YIF1B: variants seen among roughly 807,000 people sequenced by gnomAD.
YIF1B encodes Yip1 interacting factor homolog B, membrane trafficking protein.
In YIF1B, 24 loss-of-function variants were observed where a neutral mutation model predicts 34.6. The observed-to-expected ratio is 0.69, with a 90% CI of 0.50 to 0.98. The LOEUF is 0.98. Ranked by LOEUF, YIF1B falls within the 50% of genes least tolerant of loss-of-function variation. The pLI is 0.00. For missense variants in YIF1B, 368 were observed against 429.4 expected, an observed-to-expected ratio of 0.86 and a Z score of 1.26; for synonymous variants, 186 against 184.8, an observed-to-expected ratio of 1.01 and a Z score of -0.05.
In YIF1B at chr19:38,305,286, G is replaced by C; in HGVS notation, c.*66C>G. On this transcript the variant is annotated 3_prime_UTR_variant, in exon 8 of 8. Coordinates refer to ENST00000339413, the MANE Select transcript of YIF1B (RefSeq NM_001039672.3). ...TGGACCTTGGGGCCTGCAGGCAGGA[G>C]ATGAGTTCGGCGGCCACAGTGGCCC... 6.4e-7 allele frequency: 1 copy of C among 1,556,748 alleles called. No homozygotes were observed.
chr19:38,317,476 C>A (rs1969586276), upstream of YIF1B, among the ~76,000 whole-genome samples: 1 of 152,200 alleles, frequency 6.6e-6, no homozygotes, highest in Admixed American at 6.5e-5. Context: ...GATTTAGCCT[C>A]TGTCCCCTGG....
chr19:38,319,120 C>G (rs1969615393), upstream of YIF1B, among the ~76,000 whole-genome samples: 1 of 151,826 alleles, frequency 6.6e-6, no homozygotes, highest in Admixed American at 6.6e-5. Context: ...TCTGGGCTGT[C>G]TTTTTTCTTT....
chr19:38,320,958 G>A (rs760381242), upstream of YIF1B, among the ~76,000 whole-genome samples: 5 of 152,016 alleles, frequency 3.3e-5, no homozygotes, highest in South Asian at 6.2e-4. Flanking sequence ...CCCAGGACAC[G>A]CCACCCTCCA....
chr19:38,309,144 C>G, intron 3 of YIF1B, 80 bp downstream of exon 3: 2 of 1,575,298 alleles, frequency 1.3e-6, no homozygotes, highest in Non-Finnish European at 1.7e-6. Context: ...GCGAATCTCC[C>G]GGCTCCACCA....
chr19:38,314,755 A>G (rs550986419), intron 1 of YIF1B, among the ~76,000 whole-genome samples: 8 of 150,922 alleles, frequency 5.3e-5, no homozygotes, highest in African/African-American at 2.0e-4. Context: ...CCGGGATTAC[A>G]GGTGCTCGCC....
In YIF1B at chr19:38,305,079, C is replaced by A; in HGVS notation, c.*273G>T. Reference sequence around the variant, plus strand: ...GCCCCCTGCCCAGCGCTGGGCCCGCCCATTCGTGCGCGAGGCCAAGGAGAG... The same window carrying A: ...GCCCCCTGCCCAGCGCTGGGCCCGCACATTCGTGCGCGAGGCCAAGGAGAG... On this transcript the variant is annotated 3_prime_UTR_variant, in exon 8 of 8. Coordinates refer to ENST00000339413, the MANE Select transcript of YIF1B (RefSeq NM_001039672.3). 6.6e-7 allele frequency: 1 copy of A among 1,504,952 alleles called. No individual in the cohort carries two copies. Among genetic ancestry groups the A allele is most frequent in the Non-Finnish European group, 8.9e-7 (1 of 1,122,666 alleles). The allele number at this position is 1,504,952 out of a possible 1,614,324, so 93.2% of individuals were successfully genotyped here.
rs1192750317 is a variant in YIF1B at position 38,305,042 on chromosome 19, C to CCCCAGCT, written c.*303_*309dup. On this transcript the variant is annotated 3_prime_UTR_variant, in exon 8 of 8. Transcript: ENST00000339413. The stretch of plus-strand genomic sequence containing the variant: ...CAGCGTGGTGCCTACTCTGGCCCGT[C>CCCCAGCT]CCCAGCTCCCTGCCCCCTGCCCAGC... 2.6e-6 allele frequency: 4 copies of CCCCAGCT among 1,541,472 alleles called. No individual in the cohort carries two copies. Among genetic ancestry groups the CCCCAGCT allele is most frequent in the Middle Eastern group, 1.7e-4 (1 of 5,948 alleles).
rs942728571 is a variant in YIF1B, at chr19:38,304,686, G to A, written c.*666C>T. ...CCAGCGATTCGGACACGGATGTGAA[G>A]GTAAGGGGCTCTCGCCAGCGTCCCC... On this transcript the variant is annotated 3_prime_UTR_variant, in exon 8 of 8. Coordinates refer to ENST00000339413, the MANE Select transcript of YIF1B (RefSeq NM_001039672.3). 2.5e-6 allele frequency: 4 copies of A among 1,613,582 alleles called. No homozygotes were observed. The Admixed American group carries it at 5.0e-5, about 20-fold the overall frequency.
upstream of YIF1B, among the ~76,000 whole-genome samples, chr19:38,319,479 T>C (rs552702466): frequency 6.6e-6 from 1 of 152,316 alleles, no homozygotes; most frequent in East Asian, 1.9e-4. Flanking sequence ...ACTTGGCGAA[T>C]GGAGCGAGAA....
At chr19:38,307,240 C>T in intron 7 of YIF1B, 188 bp downstream of exon 7, 1 of 627,708 alleles carries the variant, frequency 1.6e-6, no homozygotes, top group Non-Finnish European at 2.8e-6. Context: ...GTCTCCTCTT[C>T]CAGGGCTCAG....
In YIF1B at chr19:38,303,610, A is replaced by C. The variant is rs1968857708; in HGVS notation, c.*1742T>G. On this transcript the variant is annotated 3_prime_UTR_variant, in exon 8 of 8. Transcript: ENST00000339413. Reference sequence around the variant, plus strand: ...TTTTTTAAAAAACCAACACATTATCAGTACTTCATGCCAGACACCATTCTA... The same window carrying C: ...TTTTTTAAAAAACCAACACATTATCCGTACTTCATGCCAGACACCATTCTA... Among the ~76,000 whole-genome samples, 1 of 152,230 alleles carries C rather than the reference A, an allele frequency of 6.6e-6. No homozygotes were observed. Among genetic ancestry groups the C allele is most frequent in the Non-Finnish European group, 1.5e-5 (1 of 68,044 alleles).
rs1209473621 is a variant in YIF1B, at chr19:38,304,740, G to A, written c.*612C>T. On this transcript the variant is annotated 3_prime_UTR_variant, in exon 8 of 8. Coordinates refer to ENST00000339413, the MANE Select transcript of YIF1B (RefSeq NM_001039672.3). ...CACGTGCCCTGCACCCCAGAGAGGC[G>A]TCCCCGCACTGGGGCTGGCGGGGAG... The A allele has an allele frequency of 8.1e-6, 13 of 1,612,078 alleles. No individual in the cohort carries two copies. The African/African-American group carries it at 1.1e-4, about 13-fold the overall frequency.
intron 3 of YIF1B, 36 bp downstream of exon 3, chr19:38,309,188 C>T (rs377438352): frequency 5.0e-6 from 8 of 1,609,670 alleles, no homozygotes; most frequent in African/African-American, 2.7e-5. Context: ...CCCCCACAGG[C>T]CCACTGCAGA....
chr19:38,307,142 C>A, intron 7 of YIF1B: 1 of 521,328 alleles, frequency 1.9e-6, no homozygotes, highest in Non-Finnish European at 3.7e-6. Flanking sequence ...GGCAGGAAGG[C>A]TCCCATGTAA....
chr19:38,315,106 G>A lies in YIF1B; in HGVS notation c.58+754C>T, dbSNP rs375808475. 3.5e-4 allele frequency among the ~76,000 whole-genome samples: 53 copies of A among 152,070 alleles called. No homozygotes were observed. In the South Asian group the frequency reaches 0.01, roughly 30 times the overall value. ...AAACCCCGTCTATACCACCCCGGGC[G>A]TGGTGGCCTGCGCCTGTAATCCCAG... On this transcript the variant is annotated intron_variant, in intron 1 of 7. Coordinates refer to ENST00000339413, the MANE Select transcript of YIF1B (RefSeq NM_001039672.3).
Position 38,307,516 on chromosome 19 carries a change from A to G in YIF1B, c.701T>C (p.Ile234Thr), listed in dbSNP as rs1969105976. Reference sequence around the variant, plus strand: ...GAGCAGGCCCATGAGGACCCCGCCAATCATCCTGGGGGAGGGAGAGGAGGC... The same window carrying G: ...GAGCAGGCCCATGAGGACCCCGCCAGTCATCCTGGGGGAGGGAGAGGAGGC... Reference protein sequence around the residue: ...AFLGYKYVGMIGGVLMGLLFG... With the variant: ...AFLGYKYVGMTGGVLMGLLFG... Residue 234 changes from isoleucine to threonine, a missense_variant, in exon 7 of 8, where the codon ATT becomes ACT. Physicochemically the swap from Ile to Thr is moderately conservative, Grantham distance 89. Around this residue, in one of 3 missense-constraint regions of YIF1B, gnomAD observed 208 missense variants for 247.8 expected, o/e 0.84. Transcript: ENST00000339413. 1.9e-6 allele frequency: 3 copies of G among 1,613,850 alleles called. No homozygotes were observed. The highest frequency in any genetic ancestry group is 1.3e-5 in the African/African-American group (1 of 74,980).
upstream of YIF1B, among the ~76,000 whole-genome samples, chr19:38,321,329 C>T (rs180747454): frequency 1.4e-4 from 21 of 152,336 alleles, no homozygotes; most frequent in African/African-American, 4.8e-4. Context: ...TGACCCCAGA[C>T]ACAAAACCCT....
upstream of YIF1B, chr19:38,319,853 T>G (rs1355118949): frequency 8.4e-7 from 1 of 1,195,520 alleles, no homozygotes. Flanking sequence ...CTGCCGCGCC[T>G]GTAGCACTCC....
At chr19:38,317,775 T>C (rs1969596574), upstream of YIF1B, among the ~76,000 whole-genome samples, 1 of 151,650 alleles carries the variant, frequency 6.6e-6, no homozygotes, top group Admixed American at 6.6e-5. Context: ...AGACAGGGTT[T>C]CGCCATGTTG....
Sources: allele counts gnomAD v4.1 joint callset (sites outside exome capture counted in the v4.1 genomes callset), GRCh38; gene constraint gnomAD v4.1.1; regional missense constraint gnomAD v4.1.1; transcripts MANE v1.5; gene names NCBI Gene and HGNC (gene_info 2026-07-23, HGNC 2026-07-21).